AP4B1: variants seen among roughly 807,000 people sequenced by gnomAD.
AP4B1 encodes adaptor related protein complex 4 subunit beta 1.
AP4B1 carries 49 observed loss-of-function variants against 76.5 expected under a neutral mutation model. The ratio of observed to expected loss-of-function variants is 0.64; its 90% CI spans 0.51 to 0.81. The LOEUF (loss-of-function observed/expected upper bound fraction) is 0.81. Ranked by LOEUF, AP4B1 falls within the 40% of genes least tolerant of loss-of-function variation. AP4B1 has a pLI of 0.00. For synonymous variants in AP4B1, 330 were observed against 333.3 expected (o/e 0.99, Z 0.11); for missense variants, 911 against 904.9 (o/e 1.01, Z -0.09).
chr1:113,895,278 G>C lies in AP4B1; in HGVS notation c.2007C>G (p.Ile669Met). ...GCCGAGACCCAGCCCTACTCATTGC[G>C]ATGGTCTGGATGTTCACTACTTGAA... ...MALQVVNIQT[I>M]AMSRAGSRPW... Residue 669 changes from isoleucine (I) to methionine (M), a missense_variant, in exon 10 of 10, where the codon ATC (isoleucine) becomes ATG (methionine). Physicochemically the swap from Ile to Met is conservative, Grantham distance 10 (BLOSUM62 1). Transcript: ENST00000369569. 6.2e-7 allele frequency: 1 copy of C among 1,614,194 alleles called. No homozygotes were observed. The highest frequency in any genetic ancestry group is 8.5e-7 in the Non-Finnish European group (1 of 1,180,024).
intron 9 of AP4B1, 51 bp from the exon 10 acceptor site, chr1:113,895,543 T>C (rs1453766638): frequency 1.2e-6 from 2 of 1,606,536 alleles, no homozygotes; most frequent in Admixed American, 1.7e-5. Context: ...CTGTAGGAGC[T>C]AAGTTTTTTA....
rs1217402 is a variant in AP4B1 at position 113,897,636 on chromosome 1, C to G, written c.1302+204G>C. The G allele has an allele frequency of 0.7, 433,900 of 618,134 alleles. 154,640 individuals are homozygous for G. Among genetic ancestry groups the G allele is most frequent in the African/African-American group, 0.89 (48,461 of 54,316 alleles). The allele number at this position is 618,134 out of a possible 1,614,324, so 38.3% of individuals were successfully genotyped here. On this transcript the variant is annotated intron_variant, in intron 7 of 9. Transcript: ENST00000369569. Reference sequence around the variant, plus strand: ...ACTGTTCAAGAGAACAATGGTATCACAGTTTTGTAATAAAACCCGTCGGAT... The same window carrying G: ...ACTGTTCAAGAGAACAATGGTATCAGAGTTTTGTAATAAAACCCGTCGGAT...
At position 113,900,081 on chromosome 1, in the gene AP4B1, TG is replaced by T; in HGVS notation, c.936del (p.Ser312ArgfsTer29). The T allele has an allele frequency of 6.2e-7, 1 of 1,614,238 alleles. No individual in the cohort carries two copies. Among genetic ancestry groups the T allele is most frequent in the Non-Finnish European group, 8.5e-7 (1 of 1,180,048 alleles). The part of the protein sequence containing the change: ...QILHSLPGHF[S>X]SHYKKFFCSY... ...GAGCAAAAAAACTTTTTGTAGTGGC[TG>T]CTAAAGTGACCTGGTAAACTATGCA... On this transcript the variant is annotated frameshift_variant, in exon 5 of 10. Coordinates refer to ENST00000369569, the MANE Select transcript of AP4B1 (RefSeq NM_001253852.3). LOFTEE classifies it high-confidence loss of function.
chr1:113,904,853 G>A (rs1470054989), upstream of AP4B1: 2 of 792,044 alleles, frequency 2.5e-6, no homozygotes, highest in African/African-American at 3.4e-5. Flanking sequence ...CCTCAGGCTC[G>A]GCTTCCGTAG....
rs778435758 is a variant in AP4B1 at position 113,901,270 on chromosome 1, T to C, written c.583A>G (p.Ile195Val). 5 of 1,614,226 alleles carry C rather than the reference T, an allele frequency of 3.1e-6. No individual in the cohort carries two copies. The highest frequency in any genetic ancestry group is 4.2e-6 in the Non-Finnish European group (5 of 1,180,046). The change falls in exon 4 of 10, where the codon ATC (isoleucine) becomes GTC (valine). Residue 195 changes from isoleucine (I) to valine (V), a missense_variant. Ile to Val is a conservative substitution (Grantham distance 29). Coordinates refer to ENST00000369569, the MANE Select transcript of AP4B1 (RefSeq NM_001253852.3). ...AGATGGTGAGCAATGGGCTTATTGATGACAACGCCTCCTTCCTGTTTCAGA... is the reference window on the plus strand; with the variant it reads ...AGATGGTGAGCAATGGGCTTATTGACGACAACGCCTCCTTCCTGTTTCAGA... Reference protein sequence around the residue: ...EILKQEGGVVINKPIAHHLLN... With the variant: ...EILKQEGGVVVNKPIAHHLLN...
intron 1 of AP4B1, 129 bp downstream of exon 1, chr1:113,904,453 TGACATGGTACTCCAAAGCAGCAG>T: frequency 1.3e-6 from 1 of 787,774 alleles, no homozygotes; most frequent in East Asian, 2.5e-5. Flanking sequence ...GAGGGGAGAC[TGACATGGTACTCCAAAGCAGCAG>T]GACGAAGACC....
Position 113,901,358 on chromosome 1 carries a change from G to A in AP4B1, c.495C>T (p.Tyr165=). The change falls in exon 4 of 10, where the codon TAC becomes TAT. Residue 165 remains tyrosine, a synonymous_variant. Coordinates refer to ENST00000369569, the MANE Select transcript of AP4B1 (RefSeq NM_001253852.3). ...TTGGATCCTGGTCACGCAGCAAACT[G>A]TATAATTCATTTACCAGGGCACCAT... The part of the protein sequence containing the change: ...EVDGALVNEL[Y]SLLRDQDPIV... The A allele has an allele frequency of 6.2e-7, 1 of 1,614,038 alleles. No individual in the cohort carries two copies. The highest frequency in any genetic ancestry group is 1.3e-5 in the African/African-American group (1 of 75,018).
rs1436848502 is a variant in AP4B1, at chr1:113,898,766, G to C, written c.1150C>G (p.Gln384Glu). 3.1e-6 allele frequency: 5 copies of C among 1,609,900 alleles called. No individual in the cohort carries two copies. The East Asian group carries it at 1.1e-4, about 36-fold the overall frequency. Residue 384 changes from glutamine to glutamate, a missense_variant, in exon 6 of 10, where the codon CAG (glutamine) becomes GAG (glutamate). Gln to Glu is a conservative substitution (Grantham distance 29). Coordinates refer to ENST00000369569, the MANE Select transcript of AP4B1 (RefSeq NM_001253852.3). ...IARTYTDQCV[Q>E]ILTELLGLRQ... ...AGACCCAGCAACTCTGTTAAAATCTGAACACATTGATCTGTGTAAGTCCTG... is the reference window on the plus strand; with the variant it reads ...AGACCCAGCAACTCTGTTAAAATCTCAACACATTGATCTGTGTAAGTCCTG...
chr1:113,898,118 G>T, intron 6 of AP4B1, 175 bp from the exon 7 acceptor site: 1 of 1,184,002 alleles, frequency 8.4e-7, no homozygotes, highest in Non-Finnish European at 1.2e-6. Context: ...ATAATTTCTT[G>T]AATGCATATT....
rs541742453 is a variant in AP4B1, at chr1:113,899,589, T to G, written c.1114+315A>C. 2.6e-5 allele frequency among the ~76,000 whole-genome samples: 4 copies of G among 152,298 alleles called. No individual in the cohort carries two copies. The South Asian group carries it at 8.3e-4, about 32-fold the overall frequency. On this transcript the variant is annotated intron_variant, in intron 5 of 9. Transcript: ENST00000369569. ...CATTTGTCTACTTTTCCTGACTGTC[T>G]CACGATACTGTGGTAAGATGATGTA...
chr1:113,904,597 G>C lies in AP4B1; in HGVS notation c.113+8C>G. On this transcript the variant is annotated splice_region_variant and intron_variant, in intron 1 of 9. Transcript: ENST00000369569. ...AGCAGTTAGCACGCGAAGGGAGGTA[G>C]GTGATACCTAATCACTCGCTGGATG... 1.2e-6 allele frequency: 2 copies of C among 1,613,372 alleles called. No homozygotes were observed. Among genetic ancestry groups the C allele is most frequent in the Non-Finnish European group, 1.7e-6 (2 of 1,179,352 alleles).
At position 113,896,044 on chromosome 1, in the gene AP4B1, G is replaced by GT. The variant is rs1558079723; in HGVS notation, c.1511-7dup. ...AGCCATATCTTTTTCTTCCTCTGAG[G>GT]TAAGACAACAGATTGACTTCATTAA... On this transcript the variant is annotated splice_polypyrimidine_tract_variant and splice_region_variant and intron_variant, in intron 8 of 9. Transcript: ENST00000369569. 4 of 1,614,140 alleles carry GT rather than the reference G, an allele frequency of 2.5e-6. No homozygotes were observed. The East Asian group carries it at 6.7e-5, about 27-fold the overall frequency.
Position 113,900,058 on chromosome 1 carries a change from G to A in AP4B1, c.960C>T (p.Cys320=). 2 of 1,614,162 alleles carry A rather than the reference G, an allele frequency of 1.2e-6. No individual in the cohort carries two copies. Among genetic ancestry groups the A allele is most frequent in the Non-Finnish European group, 1.7e-6 (2 of 1,180,036 alleles). The change falls in exon 5 of 10, where the codon TGC becomes TGT. Residue 320 remains cysteine (C), a synonymous_variant. Coordinates refer to ENST00000369569, the MANE Select transcript of AP4B1 (RefSeq NM_001253852.3). ...TGATGTAGTGGGGCTCCGAGTAGGA[G>A]CAAAAAAACTTTTTGTAGTGGCTGC... ...HFSSHYKKFF[C]SYSEPHYIKL... is the part of the protein sequence containing the mutation.
chr1:113,900,112 C>G lies in AP4B1; in HGVS notation c.906G>C (p.Gln302His), dbSNP rs979304160. The G allele has an allele frequency of 4.3e-6, 7 of 1,614,196 alleles. No homozygotes were observed. Among genetic ancestry groups the G allele is most frequent in the Non-Finnish European group, 5.9e-6 (7 of 1,180,034 alleles). The change falls in exon 5 of 10, where the codon CAG (glutamine) becomes CAC (histidine). Residue 302 changes from glutamine to histidine, a missense_variant. Physicochemically the swap from Gln to His is conservative, Grantham distance 24 (BLOSUM62 0). Transcript: ENST00000369569. ...AGTGACCTGGTAAACTATGCAAGAT[C>G]TGGCGTACATGACAAAGAGCAACAA... Reference protein sequence around the residue: ...LCFVALCHVRQILHSLPGHFS... With the variant: ...LCFVALCHVRHILHSLPGHFS...
In AP4B1 at chr1:113,895,179, T is replaced by G; in HGVS notation, c.2106A>C (p.Gly702=). Residue 702 remains glycine, a synonymous_variant, in exon 10 of 10, where the codon GGA becomes GGC. Transcript: ENST00000369569. Reference sequence around the variant, plus strand: ...TCACAGAGATCTGCATTTCTGAGTTTCCAGGCTCCAATAGCAGTTCTGTTA... The same window carrying G: ...TCACAGAGATCTGCATTTCTGAGTTGCCAGGCTCCAATAGCAGTTCTGTTA... The part of the protein sequence containing the change: ...LFLTELLLEP[G]NSEMQISVKQ... 6.2e-7 allele frequency: 1 copy of G among 1,614,220 alleles called. No homozygotes were observed.
At position 113,901,129 on chromosome 1, in the gene AP4B1, T is replaced by C. The variant is rs547664994; in HGVS notation, c.617+107A>G. On this transcript the variant is annotated intron_variant, in intron 4 of 9. Coordinates refer to ENST00000369569, the MANE Select transcript of AP4B1 (RefSeq NM_001253852.3). Reference sequence around the variant, plus strand: ...TCTCAAATAATAATAATAATAATGGTTAACTTTCTTTTCTACCCCACATAA... The same window carrying C: ...TCTCAAATAATAATAATAATAATGGCTAACTTTCTTTTCTACCCCACATAA... 40 of 1,410,912 alleles carry C rather than the reference T, an allele frequency of 2.8e-5. No individual in the cohort carries two copies. The African/African-American group carries it at 4.7e-4, about 17-fold the overall frequency. 87.4% of individuals were successfully genotyped at this position (1,410,912 alleles called of 1,614,324 possible). A position where few individuals can be genotyped will look rare whatever the true frequency, so the allele number is the denominator to read the frequency against.
At position 113,896,323 on chromosome 1, in the gene AP4B1, C is replaced by T. The variant is rs377418341; in HGVS notation, c.1445G>A (p.Arg482His). ...VKMELLTALLRLFLSRPAECQ... is the reference protein window; with the variant it reads ...VKMELLTALLHLFLSRPAECQ... Reference sequence around the variant, plus strand: ...CTCAGCAGGTCGGGAGAGGAAAAGGCGCAGCAAAGCAGTGAGCAGCTCCAT... The same window carrying T: ...CTCAGCAGGTCGGGAGAGGAAAAGGTGCAGCAAAGCAGTGAGCAGCTCCAT... The change falls in exon 8 of 10, where the codon CGC becomes CAC. Residue 482 changes from arginine (R) to histidine (H), a missense_variant. Physicochemically the swap from Arg to His is conservative, Grantham distance 29 (BLOSUM62 0). Coordinates refer to ENST00000369569, the MANE Select transcript of AP4B1 (RefSeq NM_001253852.3). 96 of 1,614,070 alleles carry T rather than the reference C, an allele frequency of 5.9e-5. No individual in the cohort carries two copies. The highest frequency in any genetic ancestry group is 3.3e-4 in the Middle Eastern group (2 of 6,084).
chr1:113,901,514 G>T, intron 3 of AP4B1, 131 bp from the exon 4 acceptor site: 2 of 1,222,332 alleles, frequency 1.6e-6, no homozygotes, highest in Non-Finnish European at 2.3e-6. Flanking sequence ...CCACACTAAA[G>T]TGCAAGGCAA....
Position 113,894,812 on chromosome 1 carries a change from A to G in AP4B1, c.*253T>C, listed in dbSNP as rs1295564333. ...CTAAAATTGATTAGGAAATAATCCA[A>G]ATCCCATCCTCAACGCATCTCCTTA... On this transcript the variant is annotated 3_prime_UTR_variant, in exon 10 of 10. Coordinates refer to ENST00000369569, the MANE Select transcript of AP4B1 (RefSeq NM_001253852.3). 4.4e-6 allele frequency: 2 copies of G among 458,668 alleles called. No homozygotes were observed. The highest frequency in any genetic ancestry group is 7.4e-5 in the Admixed American group (2 of 26,848). 28.4% of individuals were successfully genotyped at this position (458,668 alleles called of 1,614,324 possible). A position where few individuals can be genotyped will look rare whatever the true frequency, so the allele number is the denominator to read the frequency against.
Sources: allele counts gnomAD v4.1 joint callset (sites outside exome capture counted in the v4.1 genomes callset), GRCh38; gene constraint gnomAD v4.1.1; transcripts MANE v1.5; gene names NCBI Gene and HGNC (gene_info 2026-07-23, HGNC 2026-07-21).